The following USH2A variants were observed in gnomAD, a reference collection of about 807,000 sequenced individuals.
USH2A encodes usherin.
In USH2A, 443 loss-of-function variants were observed where a neutral mutation model predicts 538.9. The ratio of observed to expected loss-of-function variants is 0.82; its 90% CI spans 0.76 to 0.89. The LOEUF (loss-of-function observed/expected upper bound fraction) is 0.89. Among genes scored for constraint, USH2A ranks in the 40% least tolerant of loss-of-function variants. The probability of loss-of-function intolerance (pLI) is 0.00; values close to 1 mark genes in which losing one functional copy is unlikely to be tolerated. For synonymous variants in USH2A, 2,413 were observed against 2,273.5 expected (o/e 1.06, Z -1.75); for missense variants, 6,633 against 6,324.8 (o/e 1.05, Z -1.65).
intron 41 of USH2A, among the ~76,000 whole-genome samples, chr1:215,881,661 C>A (rs1025687490): frequency 6.6e-6 from 1 of 152,102 alleles, no homozygotes; most frequent in South Asian, 2.1e-4. Context: ...ATGTTATTGG[C>A]CTGAATAAGC....
intron 21 of USH2A, 85 bp from the exon 22 acceptor site, chr1:216,097,298 T>G (rs892854158): frequency 1.9e-6 from 3 of 1,608,210 alleles, no homozygotes; most frequent in Admixed American, 1.7e-5. Context: ...TCATTATTAT[T>G]TATGATGTAG....
intron 15 of USH2A, among the ~76,000 whole-genome samples, chr1:216,208,461 T>C (rs764742375): frequency 2.0e-5 from 3 of 152,090 alleles, no homozygotes; most frequent in Non-Finnish European, 2.9e-5. Context: ...TATTTTTATA[T>C]GAAATATCTA....
At chr1:216,338,254 G>A (rs1187445707) in intron 4 of USH2A, among the ~76,000 whole-genome samples, 1 of 151,400 alleles carries the variant, frequency 6.6e-6, no homozygotes, top group Non-Finnish European at 1.5e-5. Flanking sequence ...AAGTGCTATA[G>A]CTTTTGGCAA....
intron 61 of USH2A, among the ~76,000 whole-genome samples, chr1:215,704,357 G>A (rs1261966158): frequency 2.0e-5 from 3 of 152,174 alleles, no homozygotes; most frequent in African/African-American, 7.2e-5. Context: ...TTAGTTTCAG[G>A]AGAGGAAATC....
At chr1:216,201,011 C>CCCTT (rs1246221491) in intron 16 of USH2A, among the ~76,000 whole-genome samples, 1,007 of 38,628 alleles carry the variant, frequency 0.026, 57 homozygotes, top group African/African-American at 0.031. Flanking sequence ...CTCCCTCCCT[C>CCCTT]CCTTCCTTCC....
intron 60 of USH2A, among the ~76,000 whole-genome samples, chr1:215,729,806 A>T (rs1387282746): frequency 6.6e-6 from 1 of 151,992 alleles, no homozygotes; most frequent in Non-Finnish European, 1.5e-5. Context: ...AACTTTTAAA[A>T]TTTTTTTGTA....
At chr1:216,080,919 G>A (rs1328599532) in intron 26 of USH2A, among the ~76,000 whole-genome samples, 1 of 151,782 alleles carries the variant, frequency 6.6e-6, no homozygotes, top group Non-Finnish European at 1.5e-5. Context: ...AGGAGAGTGT[G>A]AGACTACCTG....
intron 34 of USH2A, among the ~76,000 whole-genome samples, chr1:215,998,079 C>A (rs1266832811): frequency 2.0e-5 from 3 of 151,990 alleles, no homozygotes; most frequent in African/African-American, 7.2e-5. Flanking sequence ...TAAATTTATT[C>A]ATAATCAAGA....
chr1:215,862,126 T>C (rs1199883594), intron 44 of USH2A, among the ~76,000 whole-genome samples: 1 of 152,032 alleles, frequency 6.6e-6, no homozygotes, highest in Non-Finnish European at 1.5e-5. Flanking sequence ...GCATGAGCCA[T>C]GGAACCCAGA....
intron 69 of USH2A, among the ~76,000 whole-genome samples, chr1:215,636,980 G>A (rs1252773300): frequency 6.6e-6 from 1 of 151,986 alleles, no homozygotes. Flanking sequence ...TCGAGATCAG[G>A]ATGGTGTCCC....
At chr1:216,250,101 T>C (rs1558343782) in intron 12 of USH2A, among the ~76,000 whole-genome samples, 3 of 152,150 alleles carry the variant, frequency 2.0e-5, no homozygotes, top group Non-Finnish European at 4.4e-5. Flanking sequence ...TTCTCATATA[T>C]CAAAATTTCA....
At chr1:216,356,498 A>G (rs2038394260) in intron 4 of USH2A, among the ~76,000 whole-genome samples, 1 of 152,094 alleles carries the variant, frequency 6.6e-6, no homozygotes, top group African/African-American at 2.4e-5. Flanking sequence ...TCTGAAGAAC[A>G]TTTTGGCATA....
intron 21 of USH2A, among the ~76,000 whole-genome samples, chr1:216,107,834 T>C (rs2032775882): frequency 6.6e-6 from 1 of 151,786 alleles, no homozygotes; most frequent in African/African-American, 2.4e-5. Flanking sequence ...TCTCTAAGGA[T>C]CATCATATGC....
intron 64 of USH2A, among the ~76,000 whole-genome samples, chr1:215,665,069 T>C (rs961960221): frequency 6.6e-6 from 1 of 152,326 alleles, no homozygotes; most frequent in Non-Finnish European, 1.5e-5. Context: ...CGCCAACGAT[T>C]TGGTAGCCTA....
chr1:215,897,832 G>T lies in USH2A; in HGVS notation c.7594+2243C>A, dbSNP rs529211903. 2.6e-5 allele frequency among the ~76,000 whole-genome samples: 4 copies of T among 152,242 alleles called. No individual in the cohort carries two copies. The East Asian group carries it at 7.7e-4, about 29-fold the overall frequency. ...AGAAGAAAGAAAGAGAAAGAAAATT[G>T]CACTTTGGTGAGCAGGAGGTGCTGG... On this transcript the variant is annotated intron_variant, in intron 40 of 71. Transcript: ENST00000307340.
At chr1:216,175,140 T>C (rs1249393884) in intron 21 of USH2A, 112 bp downstream of exon 21, 7 of 1,538,780 alleles carry the variant, frequency 4.5e-6, no homozygotes, top group Non-Finnish European at 6.1e-6. Flanking sequence ...AGGGCTGAAT[T>C]AGTATTTCTC....
chr1:215,731,792 G>T (rs1408931558), intron 60 of USH2A, among the ~76,000 whole-genome samples: 1 of 152,084 alleles, frequency 6.6e-6, no homozygotes, highest in Non-Finnish European at 1.5e-5. Flanking sequence ...CAATTTTGAG[G>T]TTATGAAACT....
intron 61 of USH2A, among the ~76,000 whole-genome samples, chr1:215,680,828 T>C (rs1309642339): frequency 6.6e-6 from 1 of 152,134 alleles, no homozygotes; most frequent in Non-Finnish European, 1.5e-5. Context: ...TCCAAATCTG[T>C]TTGTACACAA....
rs115060161 is a variant in USH2A, at chr1:216,351,743, A to G, written c.784+13210T>C. ...ATGCAGTAATCCCGGCAAAGCAGCA[A>G]CCATGAATTGGACTGGGATGATTCT... On this transcript the variant is annotated intron_variant, in intron 4 of 71. Coordinates refer to ENST00000307340, the MANE Select transcript of USH2A (RefSeq NM_206933.4). Among the ~76,000 whole-genome samples the G allele has an allele frequency of 3.4e-3, 522 of 152,298 alleles. 1 individual carries two copies. Among genetic ancestry groups the G allele is most frequent in the African/African-American group, 0.012 (505 of 41,578 alleles).
Sources: allele counts gnomAD v4.1 joint callset (sites outside exome capture counted in the v4.1 genomes callset), GRCh38; gene constraint gnomAD v4.1.1; transcripts MANE v1.5; gene names NCBI Gene and HGNC (gene_info 2026-07-23, HGNC 2026-07-21).